YTHDF3: variants seen among roughly 807,000 people sequenced by gnomAD.
YTHDF3 encodes YTH N6-methyladenosine RNA binding protein F3.
In YTHDF3, 9 loss-of-function variants were observed where a neutral mutation model predicts 52.5. The ratio of observed to expected loss-of-function variants is 0.17; its 90% CI spans 0.10 to 0.30. The LOEUF (loss-of-function observed/expected upper bound fraction) is 0.30. YTHDF3 is among the 10% of genes least tolerant of loss of function. The pLI is 1.00. For missense variants in YTHDF3, 534 were observed against 715.0 expected (o/e 0.75, Z 2.89); for synonymous variants, 274 against 243.3 (o/e 1.13, Z -1.18).
At chr8:63,197,753 G>A (rs1026181860) in intron 4 of YTHDF3, among the ~76,000 whole-genome samples, 2 of 152,074 alleles carry the variant, frequency 1.3e-5, no homozygotes, top group Non-Finnish European at 2.9e-5. Flanking sequence ...CCCCTCAGAG[G>A]AACTGAATAA....
At chr8:63,186,074 T>C (rs1038820109) in intron 3 of YTHDF3, 73 bp from the exon 4 acceptor site, 14 of 1,413,836 alleles carry the variant, frequency 9.9e-6, no homozygotes, top group African/African-American at 1.4e-5. Flanking sequence ...TTCTTGATTT[T>C]AATCTTTCAG....
chr8:63,203,061 G>C (rs1809746761), intron 4 of YTHDF3, among the ~76,000 whole-genome samples: 1 of 152,012 alleles, frequency 6.6e-6, no homozygotes, highest in Admixed American at 6.6e-5. Context: ...GGCCATCATG[G>C]TGAAAACCCA....
intron 4 of YTHDF3, among the ~76,000 whole-genome samples, chr8:63,201,432 A>G (rs961076386): frequency 6.6e-6 from 1 of 152,248 alleles, no homozygotes; most frequent in African/African-American, 2.4e-5. Flanking sequence ...GAATGCCAGT[A>G]AAACCTTTAT....
chr8:63,171,669 C>T (rs1435457), intron 2 of YTHDF3, among the ~76,000 whole-genome samples: 1 of 152,082 alleles, frequency 6.6e-6, no homozygotes, highest in South Asian at 2.1e-4. Flanking sequence ...GTTCCCAGCT[C>T]GTAAAATTGT....
At chr8:63,175,224 A>T (rs1394540798) in intron 2 of YTHDF3, 107 bp from the exon 3 acceptor site, 19 of 761,348 alleles carry the variant, frequency 2.5e-5, no homozygotes, top group Admixed American at 1.6e-4. Flanking sequence ...ACTCAGTATT[A>T]TTTTTTCTGA....
chr8:63,188,692 TA>T (rs1158898257), intron 4 of YTHDF3: 2 of 69,116 alleles, frequency 2.9e-5, no homozygotes, highest in Admixed American at 1.8e-4. Flanking sequence ...TATATATATA[TA>T]TATATATATT....
intron 3 of YTHDF3, chr8:63,175,643 A>G (rs1807635318): frequency 5.2e-6 from 2 of 383,412 alleles, no homozygotes; most frequent in Non-Finnish European, 9.7e-6. Flanking sequence ...TAGAATAAAG[A>G]TTTGAAGGTG....
At chr8:63,176,492 G>A (rs1405091326) in intron 3 of YTHDF3, among the ~76,000 whole-genome samples, 1 of 152,026 alleles carries the variant, frequency 6.6e-6, no homozygotes, top group Non-Finnish European at 1.5e-5. Context: ...ATGTTAGCCA[G>A]GATGGTCTCG....
intron 4 of YTHDF3, among the ~76,000 whole-genome samples, chr8:63,201,094 A>G (rs1455804988): frequency 6.6e-6 from 1 of 152,248 alleles, no homozygotes; most frequent in African/African-American, 2.4e-5. Flanking sequence ...GTATTGAGGA[A>G]TCATTTTTAA....
chr8:63,199,533 A>C (rs912797885), intron 4 of YTHDF3, among the ~76,000 whole-genome samples: 3 of 152,204 alleles, frequency 2.0e-5, no homozygotes, highest in Admixed American at 2.0e-4. Flanking sequence ...GTAGCAATAT[A>C]ATTAACCTTA....
chr8:63,189,119 A>G (rs1223659118), intron 4 of YTHDF3: 7 of 152,212 alleles, frequency 4.6e-5, no homozygotes, highest in East Asian at 1.9e-4. Flanking sequence ...ATTCTGTTAT[A>G]TACCCTCTGT....
At chr8:63,182,570 A>G (rs12549833) in intron 3 of YTHDF3, among the ~76,000 whole-genome samples, 11,345 of 152,198 alleles carry the variant, frequency 0.075, 701 homozygotes, top group East Asian at 0.35. Context: ...AGAATATTCA[A>G]TATAAATTTT....
At chr8:63,174,830 TTACTG>T (rs2129985045) in intron 2 of YTHDF3, among the ~76,000 whole-genome samples, 1 of 152,302 alleles carries the variant, frequency 6.6e-6, no homozygotes, top group African/African-American at 2.4e-5. Context: ...AGCCTAAACT[TTACTG>T]GAGACATTTA....
At chr8:63,198,265 C>T (rs572803255) in intron 4 of YTHDF3, among the ~76,000 whole-genome samples, 1 of 151,928 alleles carries the variant, frequency 6.6e-6, no homozygotes, top group South Asian at 2.1e-4. Context: ...ACTCCCCCAC[C>T]TTCCCTTCTC....
intron 1 of YTHDF3, chr8:63,169,127 A>G: frequency 7.0e-7 from 1 of 1,419,158 alleles, no homozygotes; most frequent in East Asian, 2.6e-5. Flanking sequence ...GACCGGTCTT[A>G]GGGGCCTTAG....
chr8:63,196,713 T>G (rs1038220324), intron 4 of YTHDF3, among the ~76,000 whole-genome samples: 18 of 152,110 alleles, frequency 1.2e-4, no homozygotes, highest in Non-Finnish European at 5.9e-5. Flanking sequence ...ATTTTTGGGT[T>G]GAGAGGGGTG....
chr8:63,209,335 A>G (rs2150406730), intron 4 of YTHDF3, among the ~76,000 whole-genome samples: 1 of 152,250 alleles, frequency 6.6e-6, no homozygotes, highest in East Asian at 1.9e-4. Flanking sequence ...CCCCTACCTC[A>G]GCCAATAGCT....
chr8:63,177,047 AT>A (rs1807740281), intron 3 of YTHDF3, among the ~76,000 whole-genome samples: 1 of 152,206 alleles, frequency 6.6e-6, no homozygotes, highest in Non-Finnish European at 1.5e-5. Flanking sequence ...TGAAGAGTAA[AT>A]TGGAAAACTG....
At chr8:63,204,922 C>G (rs1402523837) in intron 4 of YTHDF3, among the ~76,000 whole-genome samples, 1 of 152,084 alleles carries the variant, frequency 6.6e-6, no homozygotes, top group East Asian at 1.9e-4. Flanking sequence ...TCTGTCTTGT[C>G]TTGTTAAGGG....
Sources: gnomAD v4.1 joint callset for allele counts (sites outside exome capture counted in the v4.1 genomes callset) on GRCh38, gnomAD v4.1.1 for gene constraint, MANE v1.5 for transcripts, NCBI Gene and HGNC (gene_info 2026-07-23, HGNC 2026-07-21) for gene names.